SP140L: variants seen among roughly 807,000 people sequenced by gnomAD.
SP140L encodes the protein SP140 like nuclear body protein.
Under a neutral mutation model 84.3 loss-of-function variants are expected in SP140L, and 64 were observed. The observed-to-expected ratio is 0.76, with a 90% CI of 0.62 to 0.94. The LOEUF is 0.94. SP140L is among the 40% of genes least tolerant of loss of function. SP140L has a pLI of 0.00. For missense variants in SP140L, 628 were observed against 692.5 expected, an observed-to-expected ratio of 0.91 and a Z score of 1.05; for synonymous variants, 242 against 236.9, an observed-to-expected ratio of 1.02 and a Z score of -0.20.
chr2:230,390,023 G>T lies in SP140L; in HGVS notation c.964G>T (p.Gly322Ter). ...GILHKEKLEQ[G>*]TLAKCIQTED... ...TTTACATAAGGAGAAATTGGAACAA[G>T]GTGGGTTTCATAGTCTTCTTTAATT... The change falls in exon 11 of 19, where the codon GGA (glycine) becomes TGA (stop). Residue 322 changes from glycine (G) to a stop codon, truncating the protein, a stop_gained and splice_region_variant. Transcript: ENST00000415673. LOFTEE classifies it high-confidence loss of function. 6.2e-7 allele frequency: 1 copy of T among 1,612,614 alleles called. No homozygotes were observed. Among genetic ancestry groups the T allele is most frequent in the Non-Finnish European group, 8.5e-7 (1 of 1,179,058 alleles).
rs1051369695 is a variant in SP140L at position 230,400,308 on chromosome 2, C to T, written c.1313+66C>T. 3 of 1,488,822 alleles carry T rather than the reference C, an allele frequency of 2.0e-6. No homozygotes were observed. The African/African-American group carries it at 4.1e-5, about 21-fold the overall frequency. 92.2% of individuals were successfully genotyped at this position (1,488,822 alleles called of 1,614,324 possible). ...ACCTTCCACCTGCCATGCGCACTCT[C>T]CAGCAGAATGTCTGCTTGTGTCTAG... On this transcript the variant is annotated intron_variant, in intron 15 of 18. Coordinates refer to ENST00000415673, the MANE Select transcript of SP140L (RefSeq NM_138402.6).
chr2:230,401,046 T>C lies in SP140L; in HGVS notation c.1405T>C (p.Cys469Arg), dbSNP rs374897131. 9.7e-4 allele frequency: 1,312 copies of C among 1,347,388 alleles called. 8 individuals are homozygous for C. Among genetic ancestry groups the C allele is most frequent in the South Asian group, 8.5e-3 (626 of 73,604 alleles). The allele number at this position is 1,347,388 out of a possible 1,614,324, so 83.5% of individuals were successfully genotyped here. A position where few individuals can be genotyped will look rare whatever the true frequency, so the allele number is the denominator to read the frequency against. Residue 469 changes from cysteine (C) to arginine (R), a missense_variant, in exon 16 of 19, where the codon TGT becomes CGT. Physicochemically the swap from Cys to Arg is radical, Grantham distance 180 (BLOSUM62 -3). Transcript: ENST00000415673. ...QESEVLERQM[C>R]PEEQLKCEFL... is the part of the protein sequence containing the mutation. ...ATCTGAGGTCCTGGAGAGGCAGATG[T>C]GTCCTGAGGAACAGTTGGTAAATCA... is the stretch of plus-strand genomic sequence containing the variant.
intron 2 of SP140L, among the ~76,000 whole-genome samples, chr2:230,343,161 T>C (rs1451276303): frequency 8.4e-6 from 1 of 118,518 alleles, no homozygotes; most frequent in Admixed American, 8.5e-5. Context: ...ACATGTGCCA[T>C]GGTGTTTGTT....
intron 3 of SP140L, 126 bp from the exon 4 acceptor site, chr2:230,358,837 TA>T: frequency 1.3e-6 from 1 of 751,440 alleles, no homozygotes. Context: ...GTAAAAATTA[TA>T]AAACTTTACA....
chr2:230,381,638 T>G (rs1264219501), intron 7 of SP140L, among the ~76,000 whole-genome samples: 1 of 151,810 alleles, frequency 6.6e-6, no homozygotes, highest in African/African-American at 2.4e-5. Context: ...GAAGGATCAC[T>G]TGAGGCCAGG....
At chr2:230,369,893 C>T (rs1486427580) in intron 5 of SP140L, among the ~76,000 whole-genome samples, 1 of 152,178 alleles carries the variant, frequency 6.6e-6, no homozygotes, top group African/African-American at 2.4e-5. Context: ...CCTGCCTCAG[C>T]CTCCCAAGTA....
chr2:230,372,698 C>T (rs1423643367), intron 7 of SP140L: 2 of 136,964 alleles, frequency 1.5e-5, no homozygotes, highest in African/African-American at 5.7e-5. Context: ...GCACTCCAAC[C>T]TGGGAGACAC....
At chr2:230,394,877 C>T (rs934735074) in intron 13 of SP140L, among the ~76,000 whole-genome samples, 6 of 152,208 alleles carry the variant, frequency 3.9e-5, no homozygotes, top group Non-Finnish European at 7.3e-5. Context: ...TGCTCAGGCT[C>T]ATGACAAGGG....
chr2:230,332,866 A>T (rs2059764725), intron 2 of SP140L, among the ~76,000 whole-genome samples: 1 of 152,194 alleles, frequency 6.6e-6, no homozygotes, highest in African/African-American at 2.4e-5. Flanking sequence ...TCAGCTTCCA[A>T]GACTGACCTT....
intron 5 of SP140L, among the ~76,000 whole-genome samples, chr2:230,368,285 A>G (rs532204765): frequency 1.3e-5 from 2 of 152,092 alleles, no homozygotes; most frequent in Non-Finnish European, 2.9e-5. Context: ...AGCACCTTTA[A>G]TATGTCATTT....
At chr2:230,362,637 G>T (rs569913978) in intron 5 of SP140L, among the ~76,000 whole-genome samples, 5 of 152,198 alleles carry the variant, frequency 3.3e-5, no homozygotes, top group Admixed American at 6.5e-5. Context: ...CTATTCTATG[G>T]CAATTGTGAG....
rs1015666810 is a variant in SP140L at position 230,385,444 on chromosome 2, C to T, written c.784+140C>T. On this transcript the variant is annotated intron_variant, in intron 9 of 18. Coordinates refer to ENST00000415673, the MANE Select transcript of SP140L (RefSeq NM_138402.6). ...CAGTGAAATCTAAAAAACAGCAAAC[C>T]CATTAGAAGCCAGAGTTGTAAGTTG... The T allele has an allele frequency of 1.5e-5, 10 of 672,606 alleles. No homozygotes were observed. The African/African-American group carries it at 1.8e-4, about 12-fold the overall frequency. The allele number at this position is 672,606 out of a possible 1,614,324, so 41.7% of individuals were successfully genotyped here.
At chr2:230,342,361 T>C (rs1344677126) in intron 2 of SP140L, among the ~76,000 whole-genome samples, 1 of 152,186 alleles carries the variant, frequency 6.6e-6, no homozygotes, top group Non-Finnish European at 1.5e-5. Context: ...TCGCGCACGG[T>C]GCGTGCACCC....
intron 6 of SP140L, among the ~76,000 whole-genome samples, 172 bp from the exon 7 acceptor site, chr2:230,371,426 C>T (rs1050553401): frequency 1.3e-5 from 2 of 152,190 alleles, no homozygotes; most frequent in African/African-American, 4.8e-5. Context: ...CAGGGCCCAT[C>T]CTAGACTCCT....
chr2:230,361,605 A>C lies in SP140L; in HGVS notation c.440-9A>C. The C allele has an allele frequency of 6.4e-7, 1 of 1,553,984 alleles. No individual in the cohort carries two copies. Among genetic ancestry groups the C allele is most frequent in the South Asian group, 1.2e-5 (1 of 84,208 alleles). On this transcript the variant is annotated splice_polypyrimidine_tract_variant and intron_variant, in intron 4 of 18. Transcript: ENST00000415673. The stretch of plus-strand genomic sequence containing the variant: ...CTTTAATTGCTTTCTTCTCTCTCCC[A>C]CTCTTCAGCAATCCAAGACAAATTG...
At chr2:230,341,172 T>C (rs2060030459) in intron 2 of SP140L, among the ~76,000 whole-genome samples, 3 of 134,322 alleles carry the variant, frequency 2.2e-5, no homozygotes, top group East Asian at 4.6e-4. Context: ...CCCATATTTC[T>C]TGGAGGCTTT....
chr2:230,334,421 T>A (rs572869685), intron 2 of SP140L, among the ~76,000 whole-genome samples: 1 of 152,352 alleles, frequency 6.6e-6, no homozygotes, highest in East Asian at 1.9e-4. Flanking sequence ...TACAGGTGGT[T>A]TCATGGGATT....
At position 230,399,929 on chromosome 2, in the gene SP140L, ACC is replaced by A. The variant is rs1245325271; in HGVS notation, c.1198-195_1198-194del. The A allele has an allele frequency of 7.9e-6, 4 of 508,644 alleles. No homozygotes were observed. The East Asian group carries it at 1.2e-4, about 16-fold the overall frequency. 31.5% of individuals were successfully genotyped at this position (508,644 alleles called of 1,614,324 possible). Reference sequence around the variant, plus strand: ...GGAAAACGTTTTTATTCTGACATATACCCCTTCCTCCTGAACTTCACTGCAGA... The same window carrying A: ...GGAAAACGTTTTTATTCTGACATATACCTTCCTCCTGAACTTCACTGCAGA... On this transcript the variant is annotated intron_variant, in intron 14 of 18. Coordinates refer to ENST00000415673, the MANE Select transcript of SP140L (RefSeq NM_138402.6).
At chr2:230,345,437 T>C (rs1328891993) in intron 2 of SP140L, among the ~76,000 whole-genome samples, 1 of 152,204 alleles carries the variant, frequency 6.6e-6, no homozygotes, top group African/African-American at 2.4e-5. Flanking sequence ...TTGGATCTTG[T>C]GGGGTTTTCA....
Sources: gnomAD v4.1 joint callset for allele counts (sites outside exome capture counted in the v4.1 genomes callset) on GRCh38, gnomAD v4.1.1 for gene constraint, MANE v1.5 for transcripts, NCBI Gene and HGNC (gene_info 2026-07-23, HGNC 2026-07-21) for gene names.